Variants in PRKN observed in about 807,000 individuals in gnomAD.
The protein encoded by PRKN is parkin RBR E3 ubiquitin protein ligase, also known as E3 ubiquitin-protein ligase parkin.
A neutral mutation model predicts 59.5 loss-of-function variants in PRKN; 56 were observed. That is an observed-to-expected ratio of 0.94 (90% CI 0.76 to 1.18). The LOEUF (loss-of-function observed/expected upper bound fraction) is 1.18. PRKN is among the 50% of genes most tolerant of loss of function. The probability of loss-of-function intolerance (pLI) is 0.00; values close to 1 mark genes in which losing one functional copy is unlikely to be tolerated. For synonymous variants in PRKN, 250 were observed against 222.1 expected (o/e 1.13, Z -1.12); for missense variants, 657 against 596.4 (o/e 1.10, Z -1.06).
intron 9 of PRKN, among the ~76,000 whole-genome samples, chr6:161,482,557 A>G (rs989585607): frequency 6.6e-6 from 1 of 152,230 alleles, no homozygotes; most frequent in African/African-American, 2.4e-5. Context: ...CTTTCTCTAC[A>G]TAATTTGGAA....
At chr6:161,845,524 G>T (rs1286225390) in intron 6 of PRKN, among the ~76,000 whole-genome samples, 1 of 152,134 alleles carries the variant, frequency 6.6e-6, no homozygotes, top group Non-Finnish European at 1.5e-5. Context: ...ATTCTAATTT[G>T]CAGTAGAAGG....
chr6:161,699,782 C>T (rs1305451012), intron 7 of PRKN, among the ~76,000 whole-genome samples: 1 of 152,240 alleles, frequency 6.6e-6, no homozygotes, highest in South Asian at 2.1e-4. Flanking sequence ...GAGAAGTTCA[C>T]CGTCCTGATG....
At chr6:162,197,845 A>G (rs1274856163) in intron 4 of PRKN, among the ~76,000 whole-genome samples, 1 of 152,222 alleles carries the variant, frequency 6.6e-6, no homozygotes, top group African/African-American at 2.4e-5. Flanking sequence ...AAAATTTCGA[A>G]TACAAATGCT....
At position 161,545,526 on chromosome 6, in the gene PRKN, C is replaced by A; in HGVS notation, c.1083+3328G>T. On this transcript the variant is annotated intron_variant, in intron 9 of 11. Transcript: ENST00000366898. This position sits in a 1 kb window ranked among gnomAD's most constrained non-coding sequence, Gnocchi z 4.1. The stretch of plus-strand genomic sequence containing the variant: ...CTACTTCTGAAATGACATAATCTAA[C>A]CACAATTTCTTCCAGACAATGGCTT... 1 of 950,988 alleles carries A rather than the reference C, an allele frequency of 1.1e-6. No homozygotes were observed. Among genetic ancestry groups the A allele is most frequent in the South Asian group, 1.4e-5 (1 of 73,206 alleles). The allele number at this position is 950,988 out of a possible 1,614,324, so 58.9% of individuals were successfully genotyped here.
intron 7 of PRKN, among the ~76,000 whole-genome samples, chr6:161,732,085 T>G (rs1787739484): frequency 7.0e-6 from 1 of 142,174 alleles, no homozygotes; most frequent in Admixed American, 6.6e-5. Context: ...TACTTTTTCT[T>G]GTTCTATTTT....
intron 2 of PRKN, among the ~76,000 whole-genome samples, chr6:162,358,185 C>G (rs1583434701): frequency 1.3e-5 from 2 of 152,268 alleles, no homozygotes; most frequent in Non-Finnish European, 1.5e-5. Flanking sequence ...TAGGGAAAAT[C>G]TTTGTGCAAC....
chr6:162,697,707 A>C (rs1331898447), intron 1 of PRKN, among the ~76,000 whole-genome samples: 1 of 152,224 alleles, frequency 6.6e-6, no homozygotes, highest in Non-Finnish European at 1.5e-5. Flanking sequence ...AGAAATTTTA[A>C]AACTATTAAA....
intron 7 of PRKN, among the ~76,000 whole-genome samples, chr6:161,668,262 T>TAA (rs1311204803): frequency 8.3e-6 from 1 of 120,972 alleles, no homozygotes. Context: ...GTTTTTCATA[T>TAA]AAAGAAAAAA....
intron 9 of PRKN, among the ~76,000 whole-genome samples, chr6:161,516,467 TAA>T (rs376373455): frequency 9.5e-4 from 22 of 23,144 alleles, no homozygotes; most frequent in African/African-American, 2.8e-3. Context: ...AGGCTCCTTC[TAA>T]AAAAAAAAAA....
chr6:162,119,288 A>G (rs1184866843), intron 4 of PRKN, among the ~76,000 whole-genome samples: 1 of 152,126 alleles, frequency 6.6e-6, no homozygotes, highest in African/African-American at 2.4e-5. Context: ...CTTTAAATCA[A>G]GGGGCCTCGG....
At chr6:162,211,361 A>T (rs770302573) in intron 3 of PRKN, among the ~76,000 whole-genome samples, 118 of 152,322 alleles carry the variant, frequency 7.7e-4, no homozygotes, top group South Asian at 1.2e-3. Flanking sequence ...AGCAATTACC[A>T]ATGAGGAAAA....
intron 2 of PRKN, among the ~76,000 whole-genome samples, chr6:162,277,203 A>T (rs971416945): frequency 6.6e-6 from 1 of 152,192 alleles, no homozygotes; most frequent in Admixed American, 6.5e-5. Context: ...GGATTTTGGC[A>T]GTTTCCAAGT....
chr6:162,459,632 C>T (rs745791897), intron 1 of PRKN, among the ~76,000 whole-genome samples: 13 of 152,124 alleles, frequency 8.5e-5, no homozygotes, highest in Non-Finnish European at 1.5e-4. Context: ...TGCTTTAATA[C>T]CTTCAAAAGT....
At chr6:161,897,184 AG>A (rs1477228214) in intron 6 of PRKN, among the ~76,000 whole-genome samples, 2 of 152,224 alleles carry the variant, frequency 1.3e-5, no homozygotes, top group African/African-American at 4.8e-5. Flanking sequence ...TTCGAGCTCA[AG>A]TGAACACGTG....
intron 1 of PRKN, among the ~76,000 whole-genome samples, chr6:162,454,350 G>A (rs1397621180): frequency 1.3e-5 from 2 of 152,136 alleles, no homozygotes; most frequent in Middle Eastern, 3.2e-3. Flanking sequence ...CTAAAGTGTC[G>A]TTAGTATACT....
chr6:162,449,843 A>T (rs1441630725), intron 1 of PRKN, among the ~76,000 whole-genome samples: 1 of 152,208 alleles, frequency 6.6e-6, no homozygotes, highest in Non-Finnish European at 1.5e-5. Flanking sequence ...TAAAGAAAGC[A>T]GATTCTTGAA....
intron 7 of PRKN, among the ~76,000 whole-genome samples, chr6:161,663,953 C>T (rs995638232): frequency 6.6e-6 from 1 of 152,270 alleles, no homozygotes; most frequent in African/African-American, 2.4e-5. Context: ...TCAACAGAAC[C>T]CTGAGGTCAA....
rs1789472854 is a variant in PRKN, at chr6:161,445,991, C to T, written c.1084-59114G>A. Reference sequence around the variant, plus strand: ...AAAGAGGAGAGGCAAACTGTTTGAGCCCAGGAGTTTGAGACCAGCCTGGGC... The same window carrying T: ...AAAGAGGAGAGGCAAACTGTTTGAGTCCAGGAGTTTGAGACCAGCCTGGGC... On this transcript the variant is annotated intron_variant, in intron 9 of 11. Coordinates refer to ENST00000366898, the MANE Select transcript of PRKN (RefSeq NM_004562.3). This position sits in a 1 kb window ranked among gnomAD's most constrained non-coding sequence, Gnocchi z 7.7. Among the ~76,000 whole-genome samples, 1 of 151,858 alleles carries T rather than the reference C, an allele frequency of 6.6e-6. No homozygotes were observed. Among genetic ancestry groups the T allele is most frequent in the Admixed American group, 6.6e-5 (1 of 15,246 alleles).
intron 9 of PRKN, among the ~76,000 whole-genome samples, chr6:161,426,644 TACACACACAC>T (rs546537464): frequency 6.4e-5 from 2 of 31,026 alleles, no homozygotes; most frequent in South Asian, 1.7e-3. Flanking sequence ...AACTCCCCTT[TACACACACAC>T]ACACACACAC....
Sources: gnomAD v4.1 joint callset for allele counts (sites outside exome capture counted in the v4.1 genomes callset) on GRCh38, gnomAD v4.1.1 for gene constraint, Gnocchi (gnomAD v3.1) non-coding constraint, MANE v1.5 for transcripts, NCBI Gene and HGNC (gene_info 2026-07-23, HGNC 2026-07-21) for gene names.